The following CSPP1 variants were observed in gnomAD, a reference collection of about 807,000 sequenced individuals.
The protein encoded by CSPP1 is centrosome and spindle pole associated protein 1.
Under a neutral mutation model 164.4 loss-of-function variants are expected in CSPP1, and 126 were observed. The ratio of observed to expected loss-of-function variants is 0.77; its 90% CI spans 0.66 to 0.89. The LOEUF is 0.89. Ranked by LOEUF, CSPP1 falls within the 40% of genes least tolerant of loss-of-function variation. CSPP1 has a pLI of 0.00. For synonymous variants in CSPP1, 472 were observed against 476.7 expected, an observed-to-expected ratio of 0.99 and a Z score of 0.13; for missense variants, 1,395 against 1,449.8, an observed-to-expected ratio of 0.96 and a Z score of 0.61.
intron 11 of CSPP1, 179 bp downstream of exon 11, chr8:67,114,041 G>T: frequency 1.5e-5 from 7 of 455,248 alleles, no homozygotes; most frequent in South Asian, 5.5e-5. Flanking sequence ...ATTTCCTTGA[G>T]GTAATTTTTC....
chr8:67,161,234 T>C (rs968141034), intron 21 of CSPP1, among the ~76,000 whole-genome samples: 4 of 152,246 alleles, frequency 2.6e-5, no homozygotes, highest in Non-Finnish European at 1.5e-5. Context: ...TTTTGGTCTT[T>C]TGTTATGTGT....
At chr8:67,152,203 A>G (rs7461383) in intron 18 of CSPP1, among the ~76,000 whole-genome samples, 18,707 of 151,998 alleles carry the variant, frequency 0.12, 2,252 homozygotes, top group African/African-American at 0.31. Context: ...GAGTGCATGT[A>G]TGTGTATGTA....
chr8:67,118,662 C>G, intron 14 of CSPP1, 81 bp from the exon 15 acceptor site: 1 of 1,009,850 alleles, frequency 9.9e-7, no homozygotes, highest in Non-Finnish European at 1.5e-6. Flanking sequence ...GATTATGCAC[C>G]TTTTTCTGGA....
chr8:67,133,091 A>G (rs1187561716), intron 16 of CSPP1, among the ~76,000 whole-genome samples: 2 of 152,234 alleles, frequency 1.3e-5, no homozygotes, highest in African/African-American at 2.4e-5. Context: ...TTGCATGAGC[A>G]TATTAAAAAC....
rs1586654259 is a variant in CSPP1, at chr8:67,164,828, A to G, written c.2828+320A>G. Among the ~76,000 whole-genome samples the G allele has an allele frequency of 2.6e-5, 4 of 152,356 alleles. No homozygotes were observed. The South Asian group carries it at 6.2e-4, about 24-fold the overall frequency. On this transcript the variant is annotated intron_variant, in intron 24 of 30. Coordinates refer to ENST00000678616, the MANE Select transcript of CSPP1 (RefSeq NM_001382391.1). ...ACGTACGGGCTACCGAACATTTCTG[A>G]TCATTTTTGCCAGGAGTCATAAATT... is the stretch of plus-strand genomic sequence containing the variant.
At chr8:67,100,823 T>C (rs1000236583) in intron 7 of CSPP1, among the ~76,000 whole-genome samples, 9 of 150,340 alleles carry the variant, frequency 6.0e-5, no homozygotes, top group Admixed American at 4.7e-4. Flanking sequence ...ATTATTTTTA[T>C]ATGTAATTTT....
At chr8:67,166,598 A>C (rs1212878224) in intron 24 of CSPP1, among the ~76,000 whole-genome samples, 1 of 152,170 alleles carries the variant, frequency 6.6e-6, no homozygotes, top group Non-Finnish European at 1.5e-5. Context: ...ATTCTCCCAT[A>C]GTAGGTCAAT....
chr8:67,187,551 G>A (rs1344705529), intron 28 of CSPP1, among the ~76,000 whole-genome samples: 1 of 152,082 alleles, frequency 6.6e-6, no homozygotes, highest in African/African-American at 2.4e-5. Flanking sequence ...CGATGTGGTG[G>A]CACACACCTG....
At chr8:67,094,439 A>C (rs1253855503) in intron 6 of CSPP1, among the ~76,000 whole-genome samples, 2 of 151,460 alleles carry the variant, frequency 1.3e-5, no homozygotes, top group African/African-American at 2.4e-5. Flanking sequence ...ACGCCTGGCT[A>C]ATTTTTGTAT....
At chr8:67,114,205 T>C in intron 11 of CSPP1, 124 bp from the exon 12 acceptor site, 1 of 169,652 alleles carries the variant, frequency 5.9e-6, no homozygotes, top group Non-Finnish European at 1.3e-5. Context: ...TTTCTTACAT[T>C]GGAGTGATTT....
In CSPP1 at chr8:67,137,552, G is replaced by C; in HGVS notation, c.1924G>C (p.Gly642Arg). 1 of 1,595,076 alleles carries C rather than the reference G, an allele frequency of 6.3e-7. No homozygotes were observed. Among genetic ancestry groups the C allele is most frequent in the East Asian group, 2.3e-5 (1 of 44,062 alleles). Residue 642 changes from glycine (G) to arginine (R), a missense_variant, in exon 17 of 31, where the codon GGA becomes CGA. Physicochemically the swap from Gly to Arg is moderately radical, Grantham distance 125. Coordinates refer to ENST00000678616, the MANE Select transcript of CSPP1 (RefSeq NM_001382391.1). ...TGAAATGAGAACATATAATCCCTGG[G>C]GAAAAGGTGGAGGTGGTGCTCCTCT... ...EAEMRTYNPW[G>R]KGGGGAPLRD...
At chr8:67,102,595 AAAG>A (rs936423393) in intron 7 of CSPP1, among the ~76,000 whole-genome samples, 46 of 152,346 alleles carry the variant, frequency 3.0e-4, no homozygotes, top group South Asian at 1.2e-3. Flanking sequence ...TCTCAAAAAA[AAAG>A]AAGGTTATAC....
chr8:67,110,384 C>G (rs1816605226), intron 9 of CSPP1, among the ~76,000 whole-genome samples: 2 of 152,010 alleles, frequency 1.3e-5, no homozygotes, highest in South Asian at 4.2e-4. Flanking sequence ...TACAGAGTGA[C>G]CTTTCTGACA....
At chr8:67,065,727 C>T (rs910576022) in intron 1 of CSPP1, among the ~76,000 whole-genome samples, 2 of 152,098 alleles carry the variant, frequency 1.3e-5, no homozygotes, top group Non-Finnish European at 2.9e-5. Context: ...GGGGGTTTCA[C>T]CTTGTTGGCC....
At chr8:67,065,860 G>T (rs1805442805) in intron 1 of CSPP1, among the ~76,000 whole-genome samples, 1 of 152,170 alleles carries the variant, frequency 6.6e-6, no homozygotes, top group Admixed American at 6.5e-5. Flanking sequence ...TGGCCGCCTG[G>T]GAGGGAGTGG....
intron 22 of CSPP1, among the ~76,000 whole-genome samples, chr8:67,162,535 T>G (rs1056990549): frequency 6.6e-6 from 1 of 152,206 alleles, no homozygotes; most frequent in Non-Finnish European, 1.5e-5. Flanking sequence ...TTCCACCCTT[T>G]GAGATTCTGA....
Position 67,074,366 on chromosome 8 carries a change from T to C in CSPP1, c.99+15T>C, listed in dbSNP as rs767055987. 4 of 1,489,856 alleles carry C rather than the reference T, an allele frequency of 2.7e-6. No homozygotes were observed. The highest frequency in any genetic ancestry group is 3.7e-6 in the Non-Finnish European group (4 of 1,079,502). 92.3% of individuals were successfully genotyped at this position (1,489,856 alleles called of 1,614,324 possible). On this transcript the variant is annotated intron_variant, in intron 2 of 30. Coordinates refer to ENST00000678616, the MANE Select transcript of CSPP1 (RefSeq NM_001382391.1). ...TGGAAATGAAGGTAAATTTAATAAT[T>C]TTCTTTGAACATGTTTTATTATAAT...
chr8:67,145,431 T>C (rs1228437200), intron 17 of CSPP1, among the ~76,000 whole-genome samples: 1 of 152,130 alleles, frequency 6.6e-6, no homozygotes, highest in Non-Finnish European at 1.5e-5. Context: ...TCTGCTTTTC[T>C]TCTTGTTTCA....
chr8:67,069,775 C>T (rs1161369726), intron 1 of CSPP1, among the ~76,000 whole-genome samples: 1 of 151,534 alleles, frequency 6.6e-6, no homozygotes, highest in Admixed American at 6.6e-5. Context: ...TCTCCTGCCT[C>T]AGTGTCCCCC....
Sources: gnomAD v4.1 joint callset for allele counts (sites outside exome capture counted in the v4.1 genomes callset) on GRCh38, gnomAD v4.1.1 for gene constraint, MANE v1.5 for transcripts, NCBI Gene and HGNC (gene_info 2026-07-23, HGNC 2026-07-21) for gene names.